The following SMYD3 variants were observed in gnomAD, a reference collection of about 807,000 sequenced individuals.
SMYD3 encodes the protein SET and MYND domain containing 3.
In SMYD3, 36 loss-of-function variants were observed where a neutral mutation model predicts 57.7. That is an observed-to-expected ratio of 0.62 (90% CI 0.48 to 0.82). The LOEUF is 0.82. SMYD3 is among the 40% of genes least tolerant of loss of function. SMYD3 has a pLI of 0.00. For missense variants in SMYD3, 515 were observed against 538.8 expected, an observed-to-expected ratio of 0.96 and a Z score of 0.44; for synonymous variants, 211 against 195.0, an observed-to-expected ratio of 1.08 and a Z score of -0.68.
At chr1:245,919,512 C>T (rs750858077) in intron 7 of SMYD3, among the ~76,000 whole-genome samples, 3 of 152,168 alleles carry the variant, frequency 2.0e-5, no homozygotes, top group Non-Finnish European at 4.4e-5. Context: ...AGAAAGCCAC[C>T]CATTTTTGTG....
intron 5 of SMYD3, among the ~76,000 whole-genome samples, chr1:246,296,020 G>A (rs58318858): frequency 0.024 from 3,699 of 152,234 alleles, 155 homozygotes; most frequent in African/African-American, 0.084. Context: ...TGCACTCCAG[G>A]ACATTCTTGG....
At chr1:246,438,360 A>G (rs1399143582) in intron 1 of SMYD3, among the ~76,000 whole-genome samples, 1 of 152,200 alleles carries the variant, frequency 6.6e-6, no homozygotes, top group Non-Finnish European at 1.5e-5. Flanking sequence ...TAAAACACAC[A>G]TAGTAAAATA....
At chr1:246,017,548 T>A (rs2059399204) in intron 5 of SMYD3, among the ~76,000 whole-genome samples, 2 of 152,172 alleles carry the variant, frequency 1.3e-5, no homozygotes, top group East Asian at 3.9e-4. Context: ...ACGAATAGAT[T>A]GAGGTTCTGC....
chr1:246,304,499 A>G (rs1388504004), intron 5 of SMYD3, among the ~76,000 whole-genome samples: 1 of 152,206 alleles, frequency 6.6e-6, no homozygotes, highest in Non-Finnish European at 1.5e-5. Flanking sequence ...TATGATAAAA[A>G]TAGACTTCAA....
At chr1:246,386,403 T>C (rs1475801430) in intron 1 of SMYD3, among the ~76,000 whole-genome samples, 2 of 152,186 alleles carry the variant, frequency 1.3e-5, no homozygotes, top group African/African-American at 4.8e-5. Flanking sequence ...GTGAATTCAG[T>C]GTTGTCAGGA....
At chr1:246,128,366 T>C (rs986084777) in intron 5 of SMYD3, among the ~76,000 whole-genome samples, 1 of 152,240 alleles carries the variant, frequency 6.6e-6, no homozygotes, top group African/African-American at 2.4e-5. Flanking sequence ...GGAGGAACTG[T>C]TCACTATACA....
chr1:245,778,541 T>C (rs1320064312), intron 10 of SMYD3, among the ~76,000 whole-genome samples: 1 of 152,196 alleles, frequency 6.6e-6, no homozygotes, highest in Non-Finnish European at 1.5e-5. Context: ...TCCCTAATGG[T>C]TAATAATGTT....
At position 246,202,240 on chromosome 1, in the gene SMYD3, A is replaced by AT. The variant is rs1229692006; in HGVS notation, c.531+124960dup. On this transcript the variant is annotated intron_variant, in intron 5 of 11. Coordinates refer to ENST00000490107, the MANE Select transcript of SMYD3 (RefSeq NM_001167740.2). The surrounding 1 kb of genome is among the most constrained non-coding windows in gnomAD (Gnocchi z 4.1). The stretch of plus-strand genomic sequence containing the variant: ...GTGACATATACATATCAGTCCTTTT[A>AT]TTTAGTACTGTAGTTCCTGAAACAC... Among the ~76,000 whole-genome samples, 1 of 152,140 alleles carries AT rather than the reference A, an allele frequency of 6.6e-6. No homozygotes were observed. The highest frequency in any genetic ancestry group is 1.5e-5 in the Non-Finnish European group (1 of 67,998).
chr1:245,813,005 CTTTTTTTTTTT>C lies in SMYD3; in HGVS notation c.1076+45480_1076+45490del, dbSNP rs770448717. Among the ~76,000 whole-genome samples the C allele has an allele frequency of 4.9e-4, 37 of 75,644 alleles. No individual in the cohort carries two copies. In the East Asian group the frequency reaches 8.5e-3, roughly 17 times the overall value. 49.6% of individuals were successfully genotyped at this position (75,644 alleles called of 152,430 possible). On this transcript the variant is annotated intron_variant, in intron 10 of 11. Transcript: ENST00000490107. ...TGGAGCCATGGTCATGAGACAGCTT[CTTTTTTTTTTT>C]TTTTTTTTTTTTTTTTGAGACGGAG...
At chr1:246,399,848 G>A (rs919350315) in intron 1 of SMYD3, among the ~76,000 whole-genome samples, 8 of 152,102 alleles carry the variant, frequency 5.3e-5, no homozygotes, top group Non-Finnish European at 1.0e-4. Context: ...CAAATTATTT[G>A]TATTAGCAAA....
chr1:246,207,941 G>A (rs1010086246), intron 5 of SMYD3, among the ~76,000 whole-genome samples: 2 of 152,062 alleles, frequency 1.3e-5, no homozygotes, highest in Non-Finnish European at 2.9e-5. Flanking sequence ...GCATTAATTG[G>A]TCTAGTTAAC....
At chr1:246,236,462 T>C (rs2063513898) in intron 5 of SMYD3, among the ~76,000 whole-genome samples, 1 of 152,134 alleles carries the variant, frequency 6.6e-6, no homozygotes, top group African/African-American at 2.4e-5. Flanking sequence ...TCGCCCAGGC[T>C]GGAGTGCAGT....
Position 246,205,017 on chromosome 1 carries a change from C to T in SMYD3, c.531+122184G>A, listed in dbSNP as rs756960725. On this transcript the variant is annotated intron_variant, in intron 5 of 11. Transcript: ENST00000490107. The stretch of plus-strand genomic sequence containing the variant: ...CCTGAGATACCAGTGTGCTGCTCTG[C>T]GGAGGGGGTTCCTTTGAACCCACTC... Among the ~76,000 whole-genome samples the T allele has an allele frequency of 5.9e-5, 9 of 152,210 alleles. No homozygotes were observed. In the South Asian group the frequency reaches 1.7e-3, roughly 28 times the overall value.
intron 5 of SMYD3, chr1:245,947,349 G>A (rs1483027359): frequency 8.8e-6 from 4 of 456,682 alleles, no homozygotes; most frequent in Non-Finnish European, 1.3e-5. Flanking sequence ...ATTCATACAC[G>A]GCACAACCAG....
intron 8 of SMYD3, among the ~76,000 whole-genome samples, chr1:245,909,897 G>A (rs2054845756): frequency 6.6e-6 from 1 of 152,032 alleles, no homozygotes; most frequent in Admixed American, 6.6e-5. Flanking sequence ...CCTTTACCAC[G>A]TGGAACAAGA....
chr1:246,435,229 A>G (rs1029000817), intron 1 of SMYD3, among the ~76,000 whole-genome samples: 3 of 152,190 alleles, frequency 2.0e-5, no homozygotes, highest in East Asian at 1.9e-4. Flanking sequence ...TACCTGGGTG[A>G]CAGGATCATC....
chr1:246,072,113 A>C (rs76954812), intron 5 of SMYD3, among the ~76,000 whole-genome samples: 1 of 67,658 alleles, frequency 1.5e-5, no homozygotes, highest in African/African-American at 1.0e-4. Context: ...CTCACTGTGG[A>C]TGCATCGTGT....
At chr1:246,233,293 C>T (rs71533462) in intron 5 of SMYD3, among the ~76,000 whole-genome samples, 10,541 of 110,550 alleles carry the variant, frequency 0.095, 1,588 homozygotes, top group East Asian at 0.43. Flanking sequence ...AGAGGAGAAG[C>T]GCTCCTCAAT....
At chr1:246,338,176 C>A (rs2065575139) in intron 2 of SMYD3, among the ~76,000 whole-genome samples, 1 of 152,146 alleles carries the variant, frequency 6.6e-6, no homozygotes, top group South Asian at 2.1e-4. Flanking sequence ...TACCACATAT[C>A]AGCCCATTCC....
Sources: allele counts gnomAD v4.1 joint callset (sites outside exome capture counted in the v4.1 genomes callset), GRCh38; gene constraint gnomAD v4.1.1; non-coding constraint Gnocchi (gnomAD v3.1); transcripts MANE v1.5; gene names NCBI Gene and HGNC (gene_info 2026-07-23, HGNC 2026-07-21).